Variants in TMEM132D observed in about 807,000 individuals in gnomAD.
TMEM132D encodes the protein transmembrane protein 132D.
In TMEM132D, 21 loss-of-function variants were observed where a neutral mutation model predicts 62.3. The observed-to-expected ratio is 0.34, with a 90% CI of 0.24 to 0.49. TMEM132D has a LOEUF of 0.49. Ranked by LOEUF, TMEM132D falls within the 20% of genes least tolerant of loss-of-function variation. The pLI is 0.99. For missense variants in TMEM132D, 1,346 were observed against 1,402.8 expected, an observed-to-expected ratio of 0.96 and a Z score of 0.65; for synonymous variants, 621 against 575.6, an observed-to-expected ratio of 1.08 and a Z score of -1.13.
At chr12:129,216,099 C>A (rs1449039076) in intron 4 of TMEM132D, among the ~76,000 whole-genome samples, 1 of 152,162 alleles carries the variant, frequency 6.6e-6, no homozygotes, top group Non-Finnish European at 1.5e-5. Context: ...TGTGACACTA[C>A]CAGCTGGGTG....
intron 1 of TMEM132D, among the ~76,000 whole-genome samples, chr12:129,743,228 C>T (rs555577015): frequency 1.3e-5 from 2 of 152,338 alleles, no homozygotes; most frequent in South Asian, 4.1e-4. Context: ...TGGAATAATA[C>T]TTCCCTGATA....
At chr12:129,821,613 G>A (rs1872543880) in intron 1 of TMEM132D, among the ~76,000 whole-genome samples, 1 of 152,176 alleles carries the variant, frequency 6.6e-6, no homozygotes, top group African/African-American at 2.4e-5. Flanking sequence ...TGGAAACACT[G>A]GAACAGTATT....
intron 3 of TMEM132D, among the ~76,000 whole-genome samples, chr12:129,497,372 A>G (rs1451120660): frequency 6.6e-6 from 1 of 152,142 alleles, no homozygotes; most frequent in Non-Finnish European, 1.5e-5. Flanking sequence ...AATTCCTTTG[A>G]AACTCTAGCT....
At chr12:129,352,577 A>T (rs555452975) in intron 3 of TMEM132D, among the ~76,000 whole-genome samples, 1 of 152,296 alleles carries the variant, frequency 6.6e-6, no homozygotes, top group African/African-American at 2.4e-5. Context: ...AAAAACAAAC[A>T]TCTCCATCAA....
At chr12:129,840,366 C>T (rs1873154046) in intron 1 of TMEM132D, 1 of 152,136 alleles carries the variant, frequency 6.6e-6, no homozygotes, top group Admixed American at 6.5e-5. Flanking sequence ...AGGAGTCATG[C>T]CAAGTCCCTG....
intron 4 of TMEM132D, among the ~76,000 whole-genome samples, chr12:129,240,966 C>G (rs946014313): frequency 2.6e-5 from 4 of 152,278 alleles, no homozygotes; most frequent in Non-Finnish European, 5.9e-5. Flanking sequence ...ACCTTTCCCT[C>G]TATATCCATC....
intron 2 of TMEM132D, among the ~76,000 whole-genome samples, chr12:129,654,285 T>A (rs1880012268): frequency 2.9e-5 from 2 of 68,260 alleles, no homozygotes; most frequent in South Asian, 1.9e-3. Flanking sequence ...CTCTCGTGTG[T>A]GTGTGTGTGT....
chr12:129,561,212 C>T (rs1877217922), intron 2 of TMEM132D, among the ~76,000 whole-genome samples: 2 of 152,276 alleles, frequency 1.3e-5, no homozygotes, highest in South Asian at 4.2e-4. Flanking sequence ...CCTTATCATC[C>T]TGAGTCTAAC....
At chr12:129,253,489 C>T (rs1018187029) in intron 4 of TMEM132D, among the ~76,000 whole-genome samples, 4 of 152,140 alleles carry the variant, frequency 2.6e-5, no homozygotes, top group African/African-American at 9.7e-5. Flanking sequence ...AAAATAGCGT[C>T]TTAGAAAAGT....
chr12:129,345,914 C>T (rs1441395680), intron 3 of TMEM132D, among the ~76,000 whole-genome samples: 1 of 152,092 alleles, frequency 6.6e-6, no homozygotes, highest in Admixed American at 6.5e-5. Flanking sequence ...TTTATTGCGT[C>T]TCTGCCAGGT....
intron 3 of TMEM132D, among the ~76,000 whole-genome samples, chr12:129,444,896 T>C (rs1593011616): frequency 6.6e-6 from 1 of 152,156 alleles, no homozygotes; most frequent in East Asian, 1.9e-4. Flanking sequence ...TGTAAACTAG[T>C]TCAACCATTG....
At chr12:129,847,361 G>C (rs1048634163) in intron 1 of TMEM132D, among the ~76,000 whole-genome samples, 4 of 152,154 alleles carry the variant, frequency 2.6e-5, no homozygotes, top group Admixed American at 6.5e-5. Flanking sequence ...TGATTAATTG[G>C]AAATGCTTCA....
chr12:129,455,708 A>G (rs150600841), intron 3 of TMEM132D, among the ~76,000 whole-genome samples: 3 of 152,300 alleles, frequency 2.0e-5, no homozygotes, highest in African/African-American at 7.2e-5. Context: ...GGAGCACATT[A>G]TGTGTCTTGG....
At chr12:129,654,412 T>C (rs1880018258) in intron 2 of TMEM132D, among the ~76,000 whole-genome samples, 2 of 152,064 alleles carry the variant, frequency 1.3e-5, no homozygotes, top group South Asian at 4.1e-4. Context: ...CGAGAAAATT[T>C]TAAGCCTAAA....
chr12:129,541,247 T>A (rs1056319834), intron 2 of TMEM132D, among the ~76,000 whole-genome samples: 2 of 152,180 alleles, frequency 1.3e-5, no homozygotes, highest in African/African-American at 4.8e-5. Flanking sequence ...TACGTAGACA[T>A]ACACAGATGT....
chr12:129,147,680 A>G (rs893939057), intron 5 of TMEM132D, among the ~76,000 whole-genome samples: 1 of 152,186 alleles, frequency 6.6e-6, no homozygotes, highest in Non-Finnish European at 1.5e-5. Context: ...CTTCTAGGGC[A>G]TCATATCCTC....
At chr12:129,142,664 C>T (rs890183450) in intron 5 of TMEM132D, among the ~76,000 whole-genome samples, 1 of 152,154 alleles carries the variant, frequency 6.6e-6, no homozygotes, top group African/African-American at 2.4e-5. Flanking sequence ...GAGAAATGTT[C>T]ACTGTTTAAC....
At chr12:129,622,931 TGGG>T (rs999601406) in intron 2 of TMEM132D, among the ~76,000 whole-genome samples, 2 of 152,092 alleles carry the variant, frequency 1.3e-5, no homozygotes, top group Admixed American at 1.3e-4. Context: ...TTTTGGCTAA[TGGG>T]GGAATACAAA....
intron 3 of TMEM132D, among the ~76,000 whole-genome samples, chr12:129,348,044 G>C (rs1479165644): frequency 6.6e-6 from 1 of 152,124 alleles, no homozygotes; most frequent in Non-Finnish European, 1.5e-5. Flanking sequence ...TCATTAAAAA[G>C]TCAGGAAACA....
Sources: allele counts gnomAD v4.1 joint callset (sites outside exome capture counted in the v4.1 genomes callset), GRCh38; gene constraint gnomAD v4.1.1; transcripts MANE v1.5; gene names NCBI Gene and HGNC (gene_info 2026-07-23, HGNC 2026-07-21).